Variants in GRM1 observed in about 807,000 individuals in gnomAD.
The protein encoded by GRM1 is metabotropic glutamate receptor 1.
A neutral mutation model predicts 90.9 loss-of-function variants in GRM1; 33 were observed. The ratio of observed to expected loss-of-function variants is 0.36; its 90% CI spans 0.28 to 0.49. The LOEUF is 0.49. Among genes scored for constraint, GRM1 ranks in the 20% least tolerant of loss-of-function variants. GRM1 has a pLI of 0.99. For synonymous variants in GRM1, 700 were observed against 613.2 expected (o/e 1.14, Z -2.09); for missense variants, 1,190 against 1,534.3 (o/e 0.78, Z 3.75).
chr6:146,175,016 G>A (rs918035305), intron 2 of GRM1, among the ~76,000 whole-genome samples: 2 of 152,090 alleles, frequency 1.3e-5, no homozygotes, highest in Non-Finnish European at 2.9e-5. Context: ...GAGAGAGAGG[G>A]GAGAACATCA....
rs1383614853 is a variant in GRM1 at position 146,118,125 on chromosome 6, TTTTTTTCTTCTTTTC to T, written c.701-41216_701-41202del. Among the ~76,000 whole-genome samples, 5 of 148,302 alleles carry T rather than the reference TTTTTTTCTTCTTTTC, an allele frequency of 3.4e-5. No individual in the cohort carries two copies. In the East Asian group the frequency reaches 5.9e-4, roughly 18 times the overall value. ...ACATTTATTTATTTATTTTTTATTC[TTTTTTTCTTCTTTTC>T]TTTTTTTTTTTTTTTTTGAGTCGGA... On this transcript the variant is annotated intron_variant, in intron 1 of 7. Transcript: ENST00000282753.
intron 1 of GRM1, among the ~76,000 whole-genome samples, chr6:146,114,588 T>C (rs978556802): frequency 6.6e-6 from 1 of 152,144 alleles, no homozygotes; most frequent in Admixed American, 6.5e-5. Context: ...TTCAAAATCA[T>C]GGTAAATTGG....
intron 6 of GRM1, among the ~76,000 whole-genome samples, chr6:146,389,985 A>C (rs528696910): frequency 6.6e-6 from 1 of 152,222 alleles, no homozygotes; most frequent in South Asian, 2.1e-4. Context: ...TGAAATGAGA[A>C]AACCTATGAG....
intron 2 of GRM1, among the ~76,000 whole-genome samples, chr6:146,214,235 C>G (rs1449893489): frequency 2.0e-5 from 3 of 152,150 alleles, no homozygotes; most frequent in South Asian, 4.2e-4. Flanking sequence ...CACAACTGCT[C>G]TCTATAATAC....
At chr6:146,079,003 A>G (rs1776277494) in intron 1 of GRM1, among the ~76,000 whole-genome samples, 1 of 152,194 alleles carries the variant, frequency 6.6e-6, no homozygotes, top group Non-Finnish European at 1.5e-5. Flanking sequence ...TCCTGTTAAC[A>G]GGCCCCCATC....
intron 2 of GRM1, among the ~76,000 whole-genome samples, chr6:146,249,688 A>ACAGAGTTCC (rs1307455601): frequency 2.0e-5 from 3 of 152,180 alleles, no homozygotes; most frequent in African/African-American, 7.2e-5. Context: ...GAGCCCCCAT[A>ACAGAGTTCC]CAGAGTTCCC....
chr6:146,400,876 T>C (rs1293478312), intron 7 of GRM1, among the ~76,000 whole-genome samples: 1 of 152,116 alleles, frequency 6.6e-6, no homozygotes, highest in Non-Finnish European at 1.5e-5. Context: ...ATTTTGTAGG[T>C]GAGAAAAGTA....
chr6:146,076,260 G>A (rs1178860116), intron 1 of GRM1, among the ~76,000 whole-genome samples: 6 of 152,190 alleles, frequency 3.9e-5, no homozygotes, highest in Admixed American at 1.3e-4. Flanking sequence ...TAGGCCACTA[G>A]TGATCTTGGC....
chr6:146,243,982 G>A (rs1780962339), intron 2 of GRM1, among the ~76,000 whole-genome samples: 1 of 152,170 alleles, frequency 6.6e-6, no homozygotes, highest in Admixed American at 6.6e-5. Flanking sequence ...GCTTTTGAAA[G>A]AAGAGAAATA....
At chr6:146,044,258 A>G (rs1016306551) in intron 1 of GRM1, among the ~76,000 whole-genome samples, 3 of 151,934 alleles carry the variant, frequency 2.0e-5, no homozygotes, top group Non-Finnish European at 4.4e-5. Context: ...CATGTTTATA[A>G]TAAAAATAAA....
intron 3 of GRM1, among the ~76,000 whole-genome samples, chr6:146,314,101 C>T (rs1783875424): frequency 1.1e-5 from 1 of 93,540 alleles, no homozygotes; most frequent in Non-Finnish European, 1.9e-5. Flanking sequence ...GAGTCTTGCT[C>T]TGTTGCCCAG....
At position 146,435,435 on chromosome 6, in the gene GRM1, C is replaced by A. The variant is rs546423096; in HGVS notation, c.*639C>A. 3.5e-4 allele frequency: 55 copies of A among 157,658 alleles called. No homozygotes were observed. Among genetic ancestry groups the A allele is most frequent in the African/African-American group, 1.2e-3 (49 of 41,604 alleles). 9.8% of individuals were successfully genotyped at this position (157,658 alleles called of 1,614,324 possible). A position where few individuals can be genotyped will look rare whatever the true frequency, so the allele number is the denominator to read the frequency against. On this transcript the variant is annotated 3_prime_UTR_variant, in exon 8 of 8. Transcript: ENST00000282753. ...CACAGGGGTCTCTCTTCATCCACTG[C>A]AACCCATCCAGTGCCAGCTTTGAGA...
At chr6:146,220,077 G>C (rs1780010477) in intron 2 of GRM1, among the ~76,000 whole-genome samples, 1 of 152,090 alleles carries the variant, frequency 6.6e-6, no homozygotes, top group South Asian at 2.1e-4. Flanking sequence ...ATGTGTGCGT[G>C]TGTCCATATT....
chr6:146,118,636 C>T (rs1200273094), intron 1 of GRM1, among the ~76,000 whole-genome samples: 1 of 152,210 alleles, frequency 6.6e-6, no homozygotes, highest in African/African-American at 2.4e-5. Context: ...GTTCCCTTTC[C>T]TGTGTCCAGG....
chr6:146,153,642 C>T (rs976139080), intron 1 of GRM1, among the ~76,000 whole-genome samples: 6 of 152,038 alleles, frequency 3.9e-5, no homozygotes, highest in African/African-American at 1.2e-4. Context: ...TCATGGGAAG[C>T]GGTGCAGGGA....
At chr6:146,178,157 C>A (rs979785094) in intron 2 of GRM1, among the ~76,000 whole-genome samples, 2 of 152,120 alleles carry the variant, frequency 1.3e-5, no homozygotes, top group African/African-American at 4.8e-5. Flanking sequence ...GTCATGTCTC[C>A]TTAGACTCCT....
chr6:146,289,765 C>T (rs1782909565), intron 2 of GRM1, among the ~76,000 whole-genome samples: 1 of 152,130 alleles, frequency 6.6e-6, no homozygotes, highest in East Asian at 1.9e-4. Flanking sequence ...GTTACAATTG[C>T]CTACAGTATT....
intron 1 of GRM1, among the ~76,000 whole-genome samples, chr6:146,158,421 T>A (rs1777597823): frequency 6.6e-6 from 1 of 151,924 alleles, no homozygotes; most frequent in African/African-American, 2.4e-5. Context: ...GATGGATGTT[T>A]GACATCCACA....
At chr6:146,181,351 T>A (rs1376905908) in intron 2 of GRM1, among the ~76,000 whole-genome samples, 2 of 152,178 alleles carry the variant, frequency 1.3e-5, no homozygotes, top group African/African-American at 4.8e-5. Context: ...ATAACTTCAG[T>A]TCACTAAATA....
Sources: gnomAD v4.1 joint callset for allele counts (sites outside exome capture counted in the v4.1 genomes callset) on GRCh38, gnomAD v4.1.1 for gene constraint, MANE v1.5 for transcripts, NCBI Gene and HGNC (gene_info 2026-07-23, HGNC 2026-07-21) for gene names.